The following SALL3 variants were observed in gnomAD, a reference collection of about 807,000 sequenced individuals.
SALL3 encodes the protein spalt like transcription factor 3, also known as sal-like protein 3.
Under a neutral mutation model 66.2 loss-of-function variants are expected in SALL3, and 25 were observed. That is an observed-to-expected ratio of 0.38 (90% CI 0.28 to 0.53). The LOEUF is 0.53. Ranked by LOEUF, SALL3 falls within the 20% of genes least tolerant of loss-of-function variation. The pLI, the probability that SALL3 is intolerant of heterozygous loss-of-function variation, is 0.85. For missense variants in SALL3, 2,194 were observed against 1,916.5 expected (o/e 1.14, Z -2.70); for synonymous variants, 1,152 against 899.1 (o/e 1.28, Z -5.03).
chr18:78,981,459 G>A (rs956682672), intron 1 of SALL3, among the ~76,000 whole-genome samples: 10 of 152,238 alleles, frequency 6.6e-5, no homozygotes, highest in Non-Finnish European at 1.0e-4. Flanking sequence ...TTTTTACTCT[G>A]AGAATGAGAC....
Position 78,992,493 on chromosome 18 carries a change from C to G in SALL3, c.502C>G (p.Leu168Val). The part of the protein sequence containing the change: ...AYGAPSTNVT[L>V]EALLSTKVAV... The stretch of plus-strand genomic sequence containing the variant: ...CGGCGCGCCCAGCACCAACGTGACC[C>G]TGGAGGCGCTGCTGAGCACCAAGGT... The change falls in exon 2 of 3, where the codon CTG becomes GTG. Residue 168 changes from leucine (L) to valine (V), a missense_variant. Coordinates refer to ENST00000537592, the MANE Select transcript of SALL3 (RefSeq NM_171999.4). 1.4e-6 allele frequency: 2 copies of G among 1,468,222 alleles called. No homozygotes were observed. The highest frequency in any genetic ancestry group is 1.8e-6 in the Non-Finnish European group (2 of 1,113,824). The allele number at this position is 1,468,222 out of a possible 1,614,324, so 90.9% of individuals were successfully genotyped here.
chr18:78,993,117 C>G lies in SALL3; in HGVS notation c.1126C>G (p.Pro376Ala). Residue 376 changes from proline (P) to alanine (A), a missense_variant, in exon 2 of 3, where the codon CCG (proline) becomes GCG (alanine). Pro to Ala is a conservative substitution (Grantham distance 27). Coordinates refer to ENST00000537592, the MANE Select transcript of SALL3 (RefSeq NM_171999.4). ...TSASGVIFPN[P>A]LVSIAATANA... ...CGCCAGCGGCGTCATCTTCCCCAAC[C>G]CGCTGGTCAGCATCGCGGCCACGGC... The G allele has an allele frequency of 6.2e-7, 1 of 1,604,758 alleles. No homozygotes were observed. The highest frequency in any genetic ancestry group is 1.7e-4 in the Middle Eastern group (1 of 5,982).
intron 1 of SALL3, chr18:78,984,990 G>C (rs1334641314): frequency 6.6e-6 from 1 of 152,232 alleles, no homozygotes; most frequent in Non-Finnish European, 1.5e-5. Context: ...AGCCAGCTCG[G>C]CGCAGAAAGC....
Position 78,980,367 on chromosome 18 carries a change from G to A in SALL3, c.82+11G>A. 7.1e-7 allele frequency: 1 copy of A among 1,406,176 alleles called. No individual in the cohort carries two copies. The highest frequency in any genetic ancestry group is 9.3e-7 in the Non-Finnish European group (1 of 1,071,358). 87.1% of individuals were successfully genotyped at this position (1,406,176 alleles called of 1,614,324 possible). On this transcript the variant is annotated intron_variant, in intron 1 of 2. Transcript: ENST00000537592. ...GGGCTCCCGAGCACGGTGAGGGCCGGGGCTGCGGGGTGGCCGGGGGGTCTG... is the reference window on the plus strand; with the variant it reads ...GGGCTCCCGAGCACGGTGAGGGCCGAGGCTGCGGGGTGGCCGGGGGGTCTG...
intron 2 of SALL3, among the ~76,000 whole-genome samples, chr18:78,995,917 T>C (rs2146221334): frequency 6.6e-6 from 1 of 152,306 alleles, no homozygotes; most frequent in Admixed American, 6.5e-5. Context: ...GGGCCTCTGA[T>C]GCCTTCAGCC....
intron 2 of SALL3, among the ~76,000 whole-genome samples, chr18:78,996,654 T>A (rs560306244): frequency 6.6e-6 from 1 of 152,360 alleles, no homozygotes; most frequent in Non-Finnish European, 1.5e-5. Flanking sequence ...CTCGAAAGTT[T>A]GTCAACTGAA....
rs1914580971 is a variant in SALL3 at position 78,994,005 on chromosome 18, G to C, written c.2014G>C (p.Asp672His). The change falls in exon 2 of 3, where the codon GAC becomes CAC. Residue 672 changes from aspartate to histidine, a missense_variant. Coordinates refer to ENST00000537592, the MANE Select transcript of SALL3 (RefSeq NM_171999.4). ...SKLQQLVENI[D>H]KKMTDPNQCV... Reference sequence around the variant, plus strand: ...GCTGCAGCAGCTGGTGGAGAACATCGACAAGAAGATGACGGACCCGAACCA... The same window carrying C: ...GCTGCAGCAGCTGGTGGAGAACATCCACAAGAAGATGACGGACCCGAACCA... 3 of 1,612,408 alleles carry C rather than the reference G, an allele frequency of 1.9e-6. No homozygotes were observed. Among genetic ancestry groups the C allele is most frequent in the Non-Finnish European group, 2.5e-6 (3 of 1,179,748 alleles).
chr18:78,993,163 C>T lies in SALL3; in HGVS notation c.1172C>T (p.Ser391Phe), dbSNP rs770898275. 13 of 1,607,866 alleles carry T rather than the reference C, an allele frequency of 8.1e-6. No individual in the cohort carries two copies. In the South Asian group the frequency reaches 1.3e-4, roughly 16 times the overall value. ...ACGGCCAACGCTCTGGACCCGCTGTCCGCGCTCATGAAGCACCGCAAGGGC... is the reference window on the plus strand; with the variant it reads ...ACGGCCAACGCTCTGGACCCGCTGTTCGCGCTCATGAAGCACCGCAAGGGC... ...AATANALDPLSALMKHRKGKP... is the reference protein window; with the variant it reads ...AATANALDPLFALMKHRKGKP... The change falls in exon 2 of 3, where the codon TCC (serine) becomes TTC (phenylalanine). Residue 391 changes from serine (S) to phenylalanine (F), a missense_variant. Physicochemically the swap from Ser to Phe is radical, Grantham distance 155. Coordinates refer to ENST00000537592, the MANE Select transcript of SALL3 (RefSeq NM_171999.4).
In SALL3 at chr18:78,997,449, C is replaced by A; in HGVS notation, c.*127C>A. On this transcript the variant is annotated 3_prime_UTR_variant, in exon 3 of 3. Coordinates refer to ENST00000537592, the MANE Select transcript of SALL3 (RefSeq NM_171999.4). ...AGCAGAAAACACTTTGTGCGGCTGCCGAGAGGTGGTCTTGTAAGCGCTGCA... is the reference window on the plus strand; with the variant it reads ...AGCAGAAAACACTTTGTGCGGCTGCAGAGAGGTGGTCTTGTAAGCGCTGCA... The A allele has an allele frequency of 1.1e-6, 1 of 942,534 alleles. No homozygotes were observed. The highest frequency in any genetic ancestry group is 2.5e-5 in the East Asian group (1 of 39,266). 58.4% of individuals were successfully genotyped at this position (942,534 alleles called of 1,614,324 possible).
rs370774158 is a variant in SALL3, at chr18:78,982,253, C to T, written c.82+1897C>T. Among the ~76,000 whole-genome samples, 7 of 152,330 alleles carry T rather than the reference C, an allele frequency of 4.6e-5. No individual in the cohort carries two copies. In the South Asian group the frequency reaches 1.2e-3, roughly 27 times the overall value. On this transcript the variant is annotated intron_variant, in intron 1 of 2. Transcript: ENST00000537592. The stretch of plus-strand genomic sequence containing the variant: ...ATTATTCACAAGTTCTACTTTGAAT[C>T]CCTCTTGTTGCTGCTCGAATTTATT...
chr18:78,994,364 G>A lies in SALL3; in HGVS notation c.2373G>A (p.Glu791=), dbSNP rs2974289. 6.2e-6 allele frequency: 10 copies of A among 1,613,504 alleles called. No individual in the cohort carries two copies. Among genetic ancestry groups the A allele is most frequent in the Admixed American group, 1.7e-5 (1 of 60,018 alleles). Residue 791 remains glutamate (E), a synonymous_variant, in exon 2 of 3, where the codon GAG becomes GAA. Transcript: ENST00000537592. ...SELAYDDKNA[E]TLSSYDDDMD... ...TGGCCTACGACGACAAGAACGCGGA[G>A]ACCCTGAGCAGCTACGATGACGACA...
In SALL3 at chr18:78,992,163, G is replaced by T; in HGVS notation, c.172G>T (p.Ala58Ser). ...EETSVCEKCC[A>S]EFFKWADFLE... ...GACCAGCGTGTGCGAGAAATGCTGC[G>T]CCGAGTTCTTCAAGTGGGCGGACTT... The change falls in exon 2 of 3, where the codon GCC becomes TCC. Residue 58 changes from alanine (A) to serine (S), a missense_variant. Physicochemically the swap from Ala to Ser is moderately conservative, Grantham distance 99 (BLOSUM62 1). Transcript: ENST00000537592. 1.2e-6 allele frequency: 2 copies of T among 1,609,206 alleles called. No individual in the cohort carries two copies. Among genetic ancestry groups the T allele is most frequent in the Non-Finnish European group, 1.7e-6 (2 of 1,178,670 alleles).
intron 1 of SALL3, among the ~76,000 whole-genome samples, chr18:78,983,571 T>C (rs1914145640): frequency 6.6e-6 from 1 of 152,224 alleles, no homozygotes; most frequent in Non-Finnish European, 1.5e-5. Flanking sequence ...TCCTTTTAAA[T>C]GTGTTGAGCA....
chr18:78,993,809 C>T lies in SALL3; in HGVS notation c.1818C>T (p.Ala606=), dbSNP rs1914569957. Residue 606 remains alanine, a synonymous_variant, in exon 2 of 3, where the codon GCC becomes GCT. Transcript: ENST00000537592. ...AEPVSLPCTN[A]RAGDAPVGAQ... is the part of the protein sequence containing the mutation. Reference sequence around the variant, plus strand: ...CCGTCAGCCTGCCCTGCACCAACGCCAGGGCCGGGGACGCTCCCGTGGGCG... The same window carrying T: ...CCGTCAGCCTGCCCTGCACCAACGCTAGGGCCGGGGACGCTCCCGTGGGCG... 6.4e-7 allele frequency: 1 copy of T among 1,554,004 alleles called. No homozygotes were observed. Among genetic ancestry groups the T allele is most frequent in the Non-Finnish European group, 8.7e-7 (1 of 1,154,972 alleles).
rs1405289190 is a variant in SALL3 at position 78,993,350 on chromosome 18, C to T, written c.1359C>T (p.Cys453=). The change falls in exon 2 of 3, where the codon TGC becomes TGT. Residue 453 remains cysteine (C), a synonymous_variant. Coordinates refer to ENST00000537592, the MANE Select transcript of SALL3 (RefSeq NM_171999.4). ...AGCGGCCCTTCAAGTGCAACATCTGCGGGAACCGCTTCTCCACCAAAGGCA... is the reference window on the plus strand; with the variant it reads ...AGCGGCCCTTCAAGTGCAACATCTGTGGGAACCGCTTCTCCACCAAAGGCA... ...TGERPFKCNI[C]GNRFSTKGNL... The T allele has an allele frequency of 1.9e-6, 3 of 1,612,272 alleles. No individual in the cohort carries two copies. Among genetic ancestry groups the T allele is most frequent in the South Asian group, 2.2e-5 (2 of 91,036 alleles).
intron 1 of SALL3, among the ~76,000 whole-genome samples, chr18:78,989,372 AG>A (rs1914351537): frequency 6.6e-6 from 1 of 152,248 alleles, no homozygotes; most frequent in Non-Finnish European, 1.5e-5. Flanking sequence ...CTTTGCAAAA[AG>A]CACAAGATCT....
rs1417804638 is a variant in SALL3 at position 78,982,661 on chromosome 18, C to A, written c.82+2305C>A. The stretch of plus-strand genomic sequence containing the variant: ...ATAAAAAGGTAAATGGGTGTGGAAA[C>A]CAAATTACTCCAACCTGAGTCAGAT... On this transcript the variant is annotated intron_variant, in intron 1 of 2. Transcript: ENST00000537592. 2.0e-5 allele frequency among the ~76,000 whole-genome samples: 3 copies of A among 152,062 alleles called. No homozygotes were observed. The East Asian group carries it at 5.8e-4, about 29-fold the overall frequency.
chr18:78,994,020 G>C lies in SALL3; in HGVS notation c.2029G>C (p.Asp677His). 4.3e-6 allele frequency: 7 copies of C among 1,612,616 alleles called. No homozygotes were observed. The highest frequency in any genetic ancestry group is 5.1e-6 in the Non-Finnish European group (6 of 1,179,844). ...LVENIDKKMT[D>H]PNQCVICHRV... ...GGAGAACATCGACAAGAAGATGACG[G>C]ACCCGAACCAGTGCGTCATCTGCCA... The change falls in exon 2 of 3, where the codon GAC becomes CAC. Residue 677 changes from aspartate (D) to histidine (H), a missense_variant. Asp to His is a moderately conservative substitution (Grantham distance 81). Coordinates refer to ENST00000537592, the MANE Select transcript of SALL3 (RefSeq NM_171999.4).
rs2146203733 is a variant in SALL3 at position 78,980,222 on chromosome 18, G to C, written c.-53G>C. 1 of 944,044 alleles carries C rather than the reference G, an allele frequency of 1.1e-6. No individual in the cohort carries two copies. The highest frequency in any genetic ancestry group is 6.2e-5 in the Admixed American group (1 of 16,178). 58.5% of individuals were successfully genotyped at this position (944,044 alleles called of 1,614,324 possible). ...CAGGCCGCCCCGCGCCGTCCCCGCC[G>C]GCCGCCCCGCTGATGCCGCTGCCCC... On this transcript the variant is annotated 5_prime_UTR_variant, in exon 1 of 3. Transcript: ENST00000537592.
Sources: gnomAD v4.1 joint callset for allele counts (sites outside exome capture counted in the v4.1 genomes callset) on GRCh38, gnomAD v4.1.1 for gene constraint, MANE v1.5 for transcripts, NCBI Gene and HGNC (gene_info 2026-07-23, HGNC 2026-07-21) for gene names.